The following NRG2 variants were observed in gnomAD, a reference collection of about 807,000 sequenced individuals.
NRG2 encodes the protein neuregulin 2, also known as pro-neuregulin-2, membrane-bound isoform.
NRG2 carries 27 observed loss-of-function variants against 73.9 expected under a neutral mutation model. The ratio of observed to expected loss-of-function variants is 0.37; its 90% confidence interval spans 0.27 to 0.50. The LOEUF (loss-of-function observed/expected upper bound fraction) is 0.50, where lower values mean the gene tolerates loss of function less well. Among genes scored for constraint, NRG2 ranks in the 20% least tolerant of loss-of-function variants. NRG2 has a pLI of 0.96. For missense variants in NRG2, 1,126 were observed against 1,210.1 expected, an observed-to-expected ratio of 0.93 and a Z score of 1.03; for synonymous variants, 532 against 541.0, an observed-to-expected ratio of 0.98 and a Z score of 0.23.
chr5:139,886,194 A>G (rs575232995), intron 2 of NRG2, among the ~76,000 whole-genome samples: 1 of 152,268 alleles, frequency 6.6e-6, no homozygotes, highest in Admixed American at 6.5e-5. Flanking sequence ...TTCTTGAGTG[A>G]TCAGTTTTAC....
Position 139,887,318 on chromosome 5 carries a change from G to C in NRG2, c.872+22C>G. 5 of 1,612,758 alleles carry C rather than the reference G, an allele frequency of 3.1e-6. No individual in the cohort carries two copies. Among genetic ancestry groups the C allele is most frequent in the South Asian group, 1.1e-5 (1 of 90,962 alleles). Reference sequence around the variant, plus strand: ...GAGGGAGGGCAGCTGCTTGGATGGAGGACAGGCTGGATATTGCTTACCTGC... The same window carrying C: ...GAGGGAGGGCAGCTGCTTGGATGGACGACAGGCTGGATATTGCTTACCTGC... On this transcript the variant is annotated intron_variant, in intron 2 of 9. Coordinates refer to ENST00000361474, the MANE Select transcript of NRG2 (RefSeq NM_004883.3). This position sits in a 1 kb window ranked among gnomAD's most constrained non-coding sequence, Gnocchi z 4.5.
At chr5:139,901,613 T>C (rs1160583242) in intron 1 of NRG2, among the ~76,000 whole-genome samples, 1 of 152,178 alleles carries the variant, frequency 6.6e-6, no homozygotes, top group Admixed American at 6.5e-5. Flanking sequence ...TTGCAAAGAT[T>C]TATCTGTGTC....
At chr5:140,027,330 T>C (rs910794672) in intron 1 of NRG2, among the ~76,000 whole-genome samples, 1 of 152,178 alleles carries the variant, frequency 6.6e-6, no homozygotes, top group Non-Finnish European at 1.5e-5. Context: ...TTCTATTAAA[T>C]AATAGGAATT....
At chr5:140,029,855 G>T (rs2126687539) in intron 1 of NRG2, among the ~76,000 whole-genome samples, 1 of 152,164 alleles carries the variant, frequency 6.6e-6, no homozygotes, top group East Asian at 1.9e-4. Context: ...AATGACCTGA[G>T]AAAGAAGGGA....
At chr5:139,946,154 A>G (rs552634380) in intron 1 of NRG2, among the ~76,000 whole-genome samples, 2 of 152,236 alleles carry the variant, frequency 1.3e-5, no homozygotes, top group East Asian at 3.9e-4. Context: ...AAAATAGTCA[A>G]AGCAATTTTG....
chr5:139,907,109 G>GGT (rs1425159163), intron 1 of NRG2, among the ~76,000 whole-genome samples: 1 of 152,026 alleles, frequency 6.6e-6, no homozygotes, highest in East Asian at 1.9e-4. Flanking sequence ...CTGTGTCTAA[G>GGT]GTGTGTGTGT....
rs1581814121 is a variant in NRG2 at position 139,868,812 on chromosome 5, A to G, written c.1112+2909T>C. Among the ~76,000 whole-genome samples the G allele has an allele frequency of 2.0e-5, 3 of 151,868 alleles. No individual in the cohort carries two copies. The highest frequency in any genetic ancestry group is 2.0e-4 in the Admixed American group (3 of 15,266). On this transcript the variant is annotated intron_variant, in intron 4 of 9. Coordinates refer to ENST00000361474, the MANE Select transcript of NRG2 (RefSeq NM_004883.3). The surrounding 1 kb of genome is among the most constrained non-coding windows in gnomAD (Gnocchi z 4.2). Reference sequence around the variant, plus strand: ...TGAGAGGGGTGAAGATGTGGCGAGGATGAGCAGGCAGATGGAGGTGGGATG... The same window carrying G: ...TGAGAGGGGTGAAGATGTGGCGAGGGTGAGCAGGCAGATGGAGGTGGGATG...
At position 139,851,278 on chromosome 5, in the gene NRG2, C is replaced by T. The variant is rs141676569; in HGVS notation, c.1772+326G>A. On this transcript the variant is annotated intron_variant, in intron 9 of 9. Transcript: ENST00000361474. This position sits in a 1 kb window ranked among gnomAD's most constrained non-coding sequence, Gnocchi z 4.2. ...CTGGGATTACAGGTGTGAGCCACCG[C>T]GCCCGGCTGCCTGTTTGTTCTTGAT... Among the ~76,000 whole-genome samples the T allele has an allele frequency of 1.6e-3, 240 of 152,306 alleles. 1 individual carries two copies. The highest frequency in any genetic ancestry group is 5.6e-3 in the African/African-American group (231 of 41,562).
intron 1 of NRG2, among the ~76,000 whole-genome samples, chr5:139,996,386 G>A (rs1030619215): frequency 6.6e-6 from 1 of 152,158 alleles, no homozygotes; most frequent in Non-Finnish European, 1.5e-5. Flanking sequence ...CTCATCACTG[G>A]ATACTTAAGT....
Position 140,000,474 on chromosome 5 carries a change from C to T in NRG2, c.700+41896G>A, listed in dbSNP as rs562332703. 1.8e-3 allele frequency among the ~76,000 whole-genome samples: 269 copies of T among 152,354 alleles called. 1 individual carries two copies. The highest frequency in any genetic ancestry group is 3.4e-3 in the Middle Eastern group (1 of 294). ...AGGGAGAGGACTGAAGGGCAGCAGT[C>T]GGTGAGCCAGGGAGCCCCTGAACCA... On this transcript the variant is annotated intron_variant, in intron 1 of 9. Coordinates refer to ENST00000361474, the MANE Select transcript of NRG2 (RefSeq NM_004883.3).
At chr5:139,907,900 C>A (rs1045855520) in intron 1 of NRG2, among the ~76,000 whole-genome samples, 8 of 152,246 alleles carry the variant, frequency 5.3e-5, no homozygotes, top group Admixed American at 5.2e-4. Context: ...CAAATACACA[C>A]GGAAAACACT....
At chr5:139,863,452 C>T (rs1762278469) in intron 5 of NRG2, among the ~76,000 whole-genome samples, 2 of 152,366 alleles carry the variant, frequency 1.3e-5, no homozygotes. Flanking sequence ...GCTCCCGGGG[C>T]CCTGCTGACC....
At chr5:140,022,135 A>G (rs1426874835) in intron 1 of NRG2, among the ~76,000 whole-genome samples, 3 of 152,196 alleles carry the variant, frequency 2.0e-5, no homozygotes, top group East Asian at 3.9e-4. Flanking sequence ...AGAACTAGGT[A>G]CTGAACTAGG....
intron 1 of NRG2, among the ~76,000 whole-genome samples, chr5:140,024,626 T>G (rs1381867708): frequency 6.6e-6 from 1 of 152,198 alleles, no homozygotes; most frequent in African/African-American, 2.4e-5. Flanking sequence ...TTTGATCAAC[T>G]CTTCATCATT....
chr5:139,979,108 A>C, intron 1 of NRG2, among the ~76,000 whole-genome samples: 1 of 131,830 alleles, frequency 7.6e-6, no homozygotes, highest in African/African-American at 2.8e-5. Flanking sequence ...GGGGGGAGGG[A>C]TAGTATTAGG....
intron 1 of NRG2, among the ~76,000 whole-genome samples, chr5:139,938,915 AAGAAAG>A (rs1340901502): frequency 8.0e-6 from 1 of 125,184 alleles, no homozygotes; most frequent in Admixed American, 8.1e-5. Flanking sequence ...AAAAGAAAGA[AAGAAAG>A]AAAGAAAGAA....
rs1308374113 is a variant in NRG2, at chr5:139,904,706, G to T, written c.701-17195C>A. On this transcript the variant is annotated intron_variant, in intron 1 of 9. Transcript: ENST00000361474. This position sits in a 1 kb window ranked among gnomAD's most constrained non-coding sequence, Gnocchi z 6.0. The stretch of plus-strand genomic sequence containing the variant: ...CACAGACCTCCTCGCCGAAGAGGGG[G>T]CTTGAGCTGGGCTGGGGGCCTGAGC... Among the ~76,000 whole-genome samples the T allele has an allele frequency of 6.6e-6, 1 of 152,180 alleles. No individual in the cohort carries two copies.
At position 139,852,208 on chromosome 5, in the gene NRG2, C is replaced by T. The variant is rs981840891; in HGVS notation, c.1544+224G>A. On this transcript the variant is annotated intron_variant, in intron 8 of 9. Transcript: ENST00000361474. This position sits in a 1 kb window ranked among gnomAD's most constrained non-coding sequence, Gnocchi z 4.4. ...GGCCCTGACTATTTCCTGGTGCTCC[C>T]GAGGGAAGAAGGGAGCCAGCCATGT... Among the ~76,000 whole-genome samples the T allele has an allele frequency of 2.0e-5, 3 of 152,126 alleles. No homozygotes were observed. Among genetic ancestry groups the T allele is most frequent in the African/African-American group, 4.8e-5 (2 of 41,402 alleles).
chr5:140,032,913 C>T (rs189371075), intron 1 of NRG2, among the ~76,000 whole-genome samples: 11 of 152,142 alleles, frequency 7.2e-5, no homozygotes, highest in Admixed American at 5.2e-4. Flanking sequence ...TTCTGTAAAA[C>T]GAAGATAGTG....
Sources: gnomAD v4.1 joint callset for allele counts (sites outside exome capture counted in the v4.1 genomes callset) on GRCh38, gnomAD v4.1.1 for gene constraint, Gnocchi (gnomAD v3.1) non-coding constraint, MANE v1.5 for transcripts, NCBI Gene and HGNC (gene_info 2026-07-23, HGNC 2026-07-21) for gene names.